KAZN: variants seen among roughly 807,000 people sequenced by gnomAD.
KAZN encodes the protein kazrin, periplakin interacting protein.
KAZN carries 40 observed loss-of-function variants against 87.4 expected under a neutral mutation model. The ratio of observed to expected loss-of-function variants is 0.46; its 90% CI spans 0.36 to 0.60. The LOEUF (loss-of-function observed/expected upper bound fraction) is 0.60. KAZN is among the 20% of genes least tolerant of loss of function. The pLI is 0.00. For missense variants in KAZN, 898 were observed against 1,073.9 expected (o/e 0.84, Z 2.29); for synonymous variants, 466 against 458.3 (o/e 1.02, Z -0.22).
intron 1 of KAZN, among the ~76,000 whole-genome samples, chr1:14,056,861 A>C (rs1316710772): frequency 6.6e-6 from 1 of 152,100 alleles, no homozygotes; most frequent in Admixed American, 6.5e-5. Flanking sequence ...GACAACAAAC[A>C]AACAGAAAAC....
At chr1:14,100,187 C>G (rs1320841516) in intron 1 of KAZN, among the ~76,000 whole-genome samples, 1 of 152,184 alleles carries the variant, frequency 6.6e-6, no homozygotes, top group East Asian at 1.9e-4. Context: ...CCCTGCCTAT[C>G]CTTAATAAAC....
chr1:14,605,352 A>G (rs971068082), intron 1 of KAZN, among the ~76,000 whole-genome samples: 2 of 152,206 alleles, frequency 1.3e-5, no homozygotes, highest in African/African-American at 2.4e-5. Flanking sequence ...GGTGACAACT[A>G]TAGCTGGCCC....
chr1:14,917,892 T>G (rs1009239824), intron 1 of KAZN, among the ~76,000 whole-genome samples: 7 of 152,094 alleles, frequency 4.6e-5, no homozygotes, highest in Non-Finnish European at 8.8e-5. Context: ...CTTTCTTTCT[T>G]TTTTGAGATG....
chr1:14,764,810 G>A (rs1306627396), intron 1 of KAZN, among the ~76,000 whole-genome samples: 2 of 152,200 alleles, frequency 1.3e-5, no homozygotes, highest in Non-Finnish European at 2.9e-5. Context: ...CTAGTTTCAT[G>A]AGTGCCTATC....
intron 2 of KAZN, among the ~76,000 whole-genome samples, chr1:14,328,045 T>C (rs539939731): frequency 7.2e-5 from 11 of 152,344 alleles, no homozygotes; most frequent in African/African-American, 2.4e-4. Flanking sequence ...CTGTGGCTCA[T>C]GTAATGGAAA....
intron 1 of KAZN, among the ~76,000 whole-genome samples, chr1:14,653,068 T>G (rs540794916): frequency 5.1e-4 from 77 of 152,264 alleles, no homozygotes; most frequent in African/African-American, 1.8e-3. Context: ...GCAGGGGAAG[T>G]GGACAGATAA....
Position 14,598,889 on chromosome 1 carries a change from C to A in KAZN, c.-109C>A. Reference sequence around the variant, plus strand: ...CTGGGGGTCGGGGCGCGGGCGAAGCCGGGCCGCGGAGGACACAACAGGTAG... The same window carrying A: ...CTGGGGGTCGGGGCGCGGGCGAAGCAGGGCCGCGGAGGACACAACAGGTAG... On this transcript the variant is annotated 5_prime_UTR_variant, in exon 1 of 15. Coordinates refer to ENST00000376030, the MANE Select transcript of KAZN (RefSeq NM_201628.3). The surrounding 1 kb of genome is among the most constrained non-coding windows in gnomAD (Gnocchi z 4.2). 2 of 1,484,220 alleles carry A rather than the reference C, an allele frequency of 1.3e-6. No individual in the cohort carries two copies. Among genetic ancestry groups the A allele is most frequent in the Non-Finnish European group, 1.8e-6 (2 of 1,127,192 alleles). The allele number at this position is 1,484,220 out of a possible 1,614,324, so 91.9% of individuals were successfully genotyped here.
chr1:14,543,654 G>A, intron 2 of KAZN, among the ~76,000 whole-genome samples: 1 of 152,154 alleles, frequency 6.6e-6, no homozygotes, highest in Middle Eastern at 3.2e-3. Flanking sequence ...TGATTCAGCA[G>A]GAAGCAAATC....
At chr1:14,890,839 A>AC (rs1654631735) in intron 1 of KAZN, among the ~76,000 whole-genome samples, 1 of 42,210 alleles carries the variant, frequency 2.4e-5, no homozygotes, top group Non-Finnish European at 5.3e-5. Context: ...AGGAATCTGG[A>AC]CTTTTTTTTT....
In KAZN at chr1:15,094,247, C is replaced by A; in HGVS notation, c.1290C>A (p.Asp430Glu). Residue 430 changes from aspartate (D) to glutamate (E), a missense_variant, in exon 9 of 15, where the codon GAC becomes GAA. By Grantham distance (45) the Asp-to-Glu change is conservative (BLOSUM62 2). Coordinates refer to ENST00000376030, the MANE Select transcript of KAZN (RefSeq NM_201628.3). The surrounding 1 kb of genome is among the most constrained non-coding windows in gnomAD (Gnocchi z 4.5). ...LSLSEGEEQM[D>E]RLQQVELVRT... Reference sequence around the variant, plus strand: ...TGTCGGAAGGCGAGGAGCAGATGGACCGGCTGCAGCAGGTGGAGCTGGTGA... The same window carrying A: ...TGTCGGAAGGCGAGGAGCAGATGGAACGGCTGCAGCAGGTGGAGCTGGTGA... 1 of 1,613,946 alleles carries A rather than the reference C, an allele frequency of 6.2e-7. No homozygotes were observed. Among genetic ancestry groups the A allele is most frequent in the Non-Finnish European group, 8.5e-7 (1 of 1,179,884 alleles).
At chr1:14,750,308 G>T (rs1245975496) in intron 1 of KAZN, among the ~76,000 whole-genome samples, 3 of 152,150 alleles carry the variant, frequency 2.0e-5, no homozygotes, top group African/African-American at 7.2e-5. Context: ...AAGAATTCAG[G>T]ATATCAATAA....
At chr1:14,971,402 A>AAAAAG (rs1665015128) in intron 2 of KAZN, among the ~76,000 whole-genome samples, 1 of 152,206 alleles carries the variant, frequency 6.6e-6, no homozygotes, top group African/African-American at 2.4e-5. Flanking sequence ...TCTCAAACAA[A>AAAAAG]AAAAGAAAAG....
intron 2 of KAZN, among the ~76,000 whole-genome samples, chr1:14,534,935 T>A (rs943556411): frequency 1.3e-5 from 2 of 152,070 alleles, no homozygotes; most frequent in African/African-American, 4.8e-5. Context: ...GACCTCCACC[T>A]CCATTTCATA....
rs1396612857 is a variant in KAZN at position 14,996,303 on chromosome 1, C to T, written c.418+35428C>T. 2.0e-5 allele frequency among the ~76,000 whole-genome samples: 3 copies of T among 152,144 alleles called. No homozygotes were observed. The highest frequency in any genetic ancestry group is 4.4e-5 in the Non-Finnish European group (3 of 68,032). On this transcript the variant is annotated intron_variant, in intron 2 of 14. Transcript: ENST00000376030. This position sits in a 1 kb window ranked among gnomAD's most constrained non-coding sequence, Gnocchi z 5.9. The stretch of plus-strand genomic sequence containing the variant: ...AGACCAGCAAGCAGGATGACTCACA[C>T]CTTCCCTTCTGTTCCCTCAGTCCCT...
chr1:14,925,909 A>G (rs916706527), intron 1 of KAZN, among the ~76,000 whole-genome samples: 2 of 152,194 alleles, frequency 1.3e-5, no homozygotes, highest in Non-Finnish European at 2.9e-5. Context: ...TCGATGCGAA[A>G]AGGAAGCAGA....
intron 1 of KAZN, among the ~76,000 whole-genome samples, chr1:14,078,524 A>G (rs1262209114): frequency 6.6e-6 from 1 of 152,202 alleles, no homozygotes; most frequent in Non-Finnish European, 1.5e-5. Context: ...GAACTTATAA[A>G]CAGCATAAAC....
At chr1:14,496,574 C>T (rs947490857) in intron 2 of KAZN, among the ~76,000 whole-genome samples, 1 of 151,776 alleles carries the variant, frequency 6.6e-6, no homozygotes, top group South Asian at 2.1e-4. Context: ...TGAAAAGGTT[C>T]GTGATCACTT....
intron 2 of KAZN, among the ~76,000 whole-genome samples, chr1:14,558,569 T>G (rs1446472827): frequency 1.3e-5 from 2 of 152,274 alleles, no homozygotes; most frequent in African/African-American, 4.8e-5. Context: ...CATAGAGTCA[T>G]GTTCTGTTTC....
At chr1:13,897,092 G>A (rs568524854) in intron 1 of KAZN, among the ~76,000 whole-genome samples, 4 of 151,940 alleles carry the variant, frequency 2.6e-5, no homozygotes, top group Non-Finnish European at 5.9e-5. Flanking sequence ...TACATCCCTG[G>A]GGCCAAATCT....
Sources: gnomAD v4.1 joint callset for allele counts (sites outside exome capture counted in the v4.1 genomes callset) on GRCh38, gnomAD v4.1.1 for gene constraint, Gnocchi (gnomAD v3.1) non-coding constraint, MANE v1.5 for transcripts, NCBI Gene and HGNC (gene_info 2026-07-23, HGNC 2026-07-21) for gene names.